Variants in STIMATE observed in about 807,000 individuals in gnomAD.
The protein encoded by STIMATE is STIM activating enhancer.
STIMATE carries 15 observed loss-of-function variants against 36.7 expected under a neutral mutation model. The ratio of observed to expected loss-of-function variants is 0.41; its 90% CI spans 0.27 to 0.63. STIMATE has a LOEUF of 0.63. STIMATE is among the 20% of genes least tolerant of loss of function. The pLI is 0.32. For synonymous variants in STIMATE, 163 were observed against 162.3 expected, an observed-to-expected ratio of 1.00 and a Z score of -0.03; for missense variants, 305 against 397.3, an observed-to-expected ratio of 0.77 and a Z score of 1.98.
chr3:52,846,985 C>T (rs1409822290), intron 4 of STIMATE, among the ~76,000 whole-genome samples: 1 of 152,136 alleles, frequency 6.6e-6, no homozygotes, highest in African/African-American at 2.4e-5. Flanking sequence ...CTTATTGTAT[C>T]CTCAAACTCC....
intron 6 of STIMATE, 166 bp from the exon 7 acceptor site, chr3:52,843,126 C>T (rs1559488375): frequency 7.8e-7 from 1 of 1,280,870 alleles, no homozygotes; most frequent in East Asian, 2.6e-5. Context: ...GAAAGAGATT[C>T]CCAGTCTCCA....
In STIMATE at chr3:52,897,488, C is replaced by T; in HGVS notation, c.-38G>A. The T allele has an allele frequency of 8.3e-7, 1 of 1,209,890 alleles. No individual in the cohort carries two copies. The highest frequency in any genetic ancestry group is 1.0e-6 in the Non-Finnish European group (1 of 974,822). 74.9% of individuals were successfully genotyped at this position (1,209,890 alleles called of 1,614,324 possible). ...GGGAGGGGCGCGAGGGCCCAGGGCC[C>T]GCCCGGCCTCGCTGCCTGCCGGCGC... On this transcript the variant is annotated 5_prime_UTR_variant, in exon 1 of 8. Transcript: ENST00000355083.
At chr3:52,881,616 G>T (rs1427165669) in intron 1 of STIMATE, among the ~76,000 whole-genome samples, 1 of 151,866 alleles carries the variant, frequency 6.6e-6, no homozygotes, top group Non-Finnish European at 1.5e-5. Context: ...GCAGGAGAAT[G>T]GCGTGAACCC....
chr3:52,840,722 CAG>C (rs1700783204), intron 7 of STIMATE, 112 bp from the exon 8 acceptor site: 12 of 994,248 alleles, frequency 1.2e-5, no homozygotes, highest in East Asian at 2.6e-5. Context: ...TTTTTTTGGA[CAG>C]AGTCTCACCC....
Position 52,840,398 on chromosome 3 carries a change from G to C in STIMATE, c.*96C>G, listed in dbSNP as rs987395329. The C allele has an allele frequency of 3.8e-6, 5 of 1,332,486 alleles. No homozygotes were observed. The African/African-American group carries it at 5.8e-5, about 15-fold the overall frequency. The allele number at this position is 1,332,486 out of a possible 1,614,324, so 82.5% of individuals were successfully genotyped here. On this transcript the variant is annotated 3_prime_UTR_variant, in exon 8 of 8. Transcript: ENST00000355083. ...CAGCAAGAGGAGCAGAGGTAGAAAG[G>C]AAGGGCAGAGAGAGGGTAAGGAACG...
intron 1 of STIMATE, among the ~76,000 whole-genome samples, chr3:52,896,470 C>A (rs930368917): frequency 1.3e-5 from 2 of 152,094 alleles, no homozygotes; most frequent in African/African-American, 2.4e-5. Context: ...AGCCCCCCCC[C>A]ACCCCCCATC....
intron 1 of STIMATE, among the ~76,000 whole-genome samples, chr3:52,863,751 G>A (rs1482303425): frequency 6.6e-6 from 1 of 152,168 alleles, no homozygotes; most frequent in African/African-American, 2.4e-5. Flanking sequence ...ACAGGTATTG[G>A]GTAAATACAG....
At chr3:52,886,282 G>A (rs1487461107) in intron 1 of STIMATE, among the ~76,000 whole-genome samples, 1 of 152,178 alleles carries the variant, frequency 6.6e-6, no homozygotes, top group Non-Finnish European at 1.5e-5. Context: ...CAGCACATGT[G>A]TATGCTGCAC....
chr3:52,874,185 G>T (rs1701460372), intron 1 of STIMATE, among the ~76,000 whole-genome samples: 1 of 152,186 alleles, frequency 6.6e-6, no homozygotes, highest in African/African-American at 2.4e-5. Context: ...GGAAGGGGTT[G>T]ATCATATGTG....
intron 1 of STIMATE, among the ~76,000 whole-genome samples, chr3:52,877,078 A>C (rs1394066336): frequency 6.6e-6 from 1 of 152,266 alleles, no homozygotes; most frequent in Non-Finnish European, 1.5e-5. Context: ...GTTCACTGGC[A>C]CAGGCCACAC....
At chr3:52,848,892 C>T (rs1329412396) in intron 4 of STIMATE, among the ~76,000 whole-genome samples, 2 of 152,202 alleles carry the variant, frequency 1.3e-5, no homozygotes, top group African/African-American at 2.4e-5. Flanking sequence ...AAAAGCCCTG[C>T]CCTGAGCTCA....
chr3:52,856,596 G>A (rs4687557), intron 1 of STIMATE, among the ~76,000 whole-genome samples: 139,034 of 152,158 alleles, frequency 0.91, 64,841 homozygotes, highest in East Asian at 1. Flanking sequence ...AGGTGGGAGG[G>A]TCACTTGAGC....
At chr3:52,845,256 G>A (rs1430581715) in intron 4 of STIMATE, among the ~76,000 whole-genome samples, 3 of 152,200 alleles carry the variant, frequency 2.0e-5, no homozygotes, top group Non-Finnish European at 2.9e-5. Context: ...TCTTTCTGCC[G>A]GCTGGCAGCA....
chr3:52,852,160 A>G (rs2336557), intron 3 of STIMATE, among the ~76,000 whole-genome samples: 135,505 of 152,226 alleles, frequency 0.89, 62,212 homozygotes, highest in Non-Finnish European at 1. Flanking sequence ...TGGAAGGCAC[A>G]TTGCAATGAT....
At chr3:52,843,201 G>C (rs1360264534) in intron 6 of STIMATE, 1 of 690,772 alleles carries the variant, frequency 1.4e-6, no homozygotes, top group Non-Finnish European at 2.2e-6. Context: ...TTTTTGTTGT[G>C]GTAACTAGGG....
chr3:52,840,471 G>T lies in STIMATE; in HGVS notation c.*23C>A, dbSNP rs748797213. The T allele has an allele frequency of 3.7e-6, 6 of 1,611,668 alleles. No homozygotes were observed. In the Middle Eastern group the frequency reaches 5.0e-4, roughly 134 times the overall value. ...CACCAGCGGCTGGCGGGGCCCTCCC[G>T]TCACCCCCAGCATGGGAATGTGTCA... On this transcript the variant is annotated 3_prime_UTR_variant, in exon 8 of 8. Coordinates refer to ENST00000355083, the MANE Select transcript of STIMATE (RefSeq NM_198563.5).
chr3:52,871,410 G>A (rs907080701), intron 1 of STIMATE, among the ~76,000 whole-genome samples: 8 of 152,058 alleles, frequency 5.3e-5, no homozygotes, highest in Non-Finnish European at 1.0e-4. Flanking sequence ...GAGCACCTGC[G>A]GCAGAACCCT....
chr3:52,857,742 CTTATAA>C (rs1288220746), intron 1 of STIMATE, among the ~76,000 whole-genome samples: 3 of 149,422 alleles, frequency 2.0e-5, no homozygotes, highest in Admixed American at 6.7e-5. Flanking sequence ...TATAATAAAT[CTTATAA>C]TTATATTATT....
intron 6 of STIMATE, chr3:52,843,252 ACGCGTTCCAGGCCCCTC>A (rs1423344759): frequency 1.1e-5 from 5 of 466,696 alleles, no homozygotes; most frequent in Admixed American, 7.1e-5. Flanking sequence ...GTCTCTGGAC[ACGCGTTCCAGGCCCCTC>A]CCCACAGACT....
Sources: gnomAD v4.1 joint callset for allele counts (sites outside exome capture counted in the v4.1 genomes callset) on GRCh38, gnomAD v4.1.1 for gene constraint, MANE v1.5 for transcripts, NCBI Gene and HGNC (gene_info 2026-07-23, HGNC 2026-07-21) for gene names.